HMGCLL1: variants seen among roughly 807,000 people sequenced by gnomAD.
The protein encoded by HMGCLL1 is 3-hydroxy-3-methylglutaryl-CoA lyase like 1, also known as 3-hydroxymethyl-3-methylglutaryl-CoA lyase, cytoplasmic.
HMGCLL1 carries 36 observed loss-of-function variants against 39.1 expected under a neutral mutation model. The observed-to-expected ratio is 0.92, with a 90% CI of 0.71 to 1.22. The LOEUF (loss-of-function observed/expected upper bound fraction) is 1.22. Among genes scored for constraint, HMGCLL1 ranks in the 50% most tolerant of loss-of-function variants. HMGCLL1 has a pLI of 0.00. For missense variants in HMGCLL1, 451 were observed against 416.5 expected (o/e 1.08, Z -0.72); for synonymous variants, 149 against 144.0 (o/e 1.03, Z -0.25).
intron 7 of HMGCLL1, among the ~76,000 whole-genome samples, chr6:55,489,077 GT>G (rs1766186950): frequency 6.6e-6 from 1 of 151,966 alleles, no homozygotes. Flanking sequence ...TCAATCCAAT[GT>G]TCCAAAGGAA....
At chr6:55,645,724 T>TC in the HMGCLL1 span, among the ~76,000 whole-genome samples, 1 of 152,000 alleles carries the variant, frequency 6.6e-6, no homozygotes, top group African/African-American at 2.4e-5. Context: ...TATTGAACCA[T>TC]CCTTGCATCC....
chr6:55,628,218 T>C, the HMGCLL1 span, among the ~76,000 whole-genome samples: 1 of 100,186 alleles, frequency 1.0e-5, no homozygotes, highest in Non-Finnish European at 1.9e-5. Flanking sequence ...ATCAGTTCTG[T>C]CCCTATAAGA....
the HMGCLL1 span, among the ~76,000 whole-genome samples, chr6:55,610,704 G>A: frequency 6.6e-6 from 1 of 151,852 alleles, no homozygotes; most frequent in Non-Finnish European, 1.5e-5. Flanking sequence ...GATACTCTAT[G>A]AGCAGATCAA....
chr6:55,566,078 A>G (rs1194814238), intron 1 of HMGCLL1, among the ~76,000 whole-genome samples: 3 of 152,090 alleles, frequency 2.0e-5, no homozygotes, highest in South Asian at 2.1e-4. Flanking sequence ...TTCAACATTA[A>G]CCTATGATCA....
In HMGCLL1 at chr6:55,578,842, T is replaced by A. The variant is rs1053691344; in HGVS notation, c.108+106A>T. 7.8e-6 allele frequency: 6 copies of A among 772,656 alleles called. No homozygotes were observed. The African/African-American group carries it at 1.0e-4, about 13-fold the overall frequency. 47.9% of individuals were successfully genotyped at this position (772,656 alleles called of 1,614,324 possible). A position where few individuals can be genotyped will look rare whatever the true frequency, so the allele number is the denominator to read the frequency against. Reference sequence around the variant, plus strand: ...AACTGCTGCGGGAAGGGTCCTGGGGTGAGGAGGTGACATAAAGGGAGGAGG... The same window carrying A: ...AACTGCTGCGGGAAGGGTCCTGGGGAGAGGAGGTGACATAAAGGGAGGAGG... On this transcript the variant is annotated intron_variant, in intron 1 of 8. Transcript: ENST00000274901.
In HMGCLL1 at chr6:55,514,037, T is replaced by G; in HGVS notation, c.542+11A>C. 1 of 1,607,210 alleles carries G rather than the reference T, an allele frequency of 6.2e-7. No homozygotes were observed. The highest frequency in any genetic ancestry group is 8.5e-7 in the Non-Finnish European group (1 of 1,177,972). ...ATTAACAAAACAGAATTTGTGGGATTTCATAAGTACCCTCGTGCTGGAATA... is the reference window on the plus strand; with the variant it reads ...ATTAACAAAACAGAATTTGTGGGATGTCATAAGTACCCTCGTGCTGGAATA... On this transcript the variant is annotated intron_variant, in intron 5 of 8. Transcript: ENST00000274901.
intron 5 of HMGCLL1, among the ~76,000 whole-genome samples, chr6:55,500,315 T>A (rs1166168978): frequency 6.6e-6 from 1 of 151,942 alleles, no homozygotes; most frequent in African/African-American, 2.4e-5. Flanking sequence ...CCCAGAAATA[T>A]AACTCTGTGG....
chr6:55,478,343 A>G (rs1765567177), intron 7 of HMGCLL1, among the ~76,000 whole-genome samples: 1 of 151,390 alleles, frequency 6.6e-6, no homozygotes. Flanking sequence ...TTTCGAACAG[A>G]ATTTGGTAAG....
intron 3 of HMGCLL1, among the ~76,000 whole-genome samples, chr6:55,539,857 A>G (rs1397611580): frequency 8.4e-6 from 1 of 118,478 alleles, no homozygotes; most frequent in African/African-American, 3.3e-5. Context: ...TGAAAGAAAG[A>G]GGAAGAAAGA....
chr6:55,574,505 A>G (rs1044240748), intron 1 of HMGCLL1, among the ~76,000 whole-genome samples: 2 of 130,462 alleles, frequency 1.5e-5, no homozygotes, highest in Non-Finnish European at 3.4e-5. Flanking sequence ...ATAGACAGCA[A>G]TTAAGGGTAT....
intron 6 of HMGCLL1, among the ~76,000 whole-genome samples, chr6:55,496,733 A>C (rs1301580692): frequency 6.6e-6 from 1 of 152,108 alleles, no homozygotes; most frequent in Non-Finnish European, 1.5e-5. Flanking sequence ...AGAAAGCTGA[A>C]TTGCTCAATA....
the HMGCLL1 span, among the ~76,000 whole-genome samples, chr6:55,659,640 G>A: frequency 6.6e-6 from 1 of 151,816 alleles, no homozygotes; most frequent in Non-Finnish European, 1.5e-5. Flanking sequence ...ATTTTTCACT[G>A]ACTGGCTTAA....
At chr6:55,601,668 C>G in the HMGCLL1 span, among the ~76,000 whole-genome samples, 1 of 151,856 alleles carries the variant, frequency 6.6e-6, no homozygotes, top group Admixed American at 6.6e-5. Context: ...ACTTTTTTTT[C>G]CTTGTAAGTC....
At chr6:55,593,058 A>G in the HMGCLL1 span, among the ~76,000 whole-genome samples, 1 of 152,084 alleles carries the variant, frequency 6.6e-6, no homozygotes, top group African/African-American at 2.4e-5. Context: ...GACTTCCTAC[A>G]AATTCAAAAC....
At chr6:55,512,720 A>C (rs1224303649) in intron 5 of HMGCLL1, 1 of 151,976 alleles carries the variant, frequency 6.6e-6, no homozygotes, top group Non-Finnish European at 1.5e-5. Context: ...GTCACAATTG[A>C]CTCACTTATC....
the HMGCLL1 span, among the ~76,000 whole-genome samples, chr6:55,596,182 C>T: frequency 6.6e-6 from 1 of 152,010 alleles, no homozygotes; most frequent in Non-Finnish European, 1.5e-5. Flanking sequence ...CAAAAATTAG[C>T]CGGATGTGGC....
At chr6:55,519,778 G>A (rs1315198535) in intron 3 of HMGCLL1, among the ~76,000 whole-genome samples, 2 of 151,984 alleles carry the variant, frequency 1.3e-5, no homozygotes, top group Non-Finnish European at 2.9e-5. Flanking sequence ...TAAAGATCAT[G>A]TTCCTAACCA....
rs146925336 is a variant in HMGCLL1, at chr6:55,557,833, G to A, written c.109-15693C>T. Among the ~76,000 whole-genome samples, 6 of 152,290 alleles carry A rather than the reference G, an allele frequency of 3.9e-5. No individual in the cohort carries two copies. In the East Asian group the frequency reaches 1.2e-3, roughly 29 times the overall value. Reference sequence around the variant, plus strand: ...AATTACGTTGCCCGTATAGAGTACAGCTGGTGCCCGTACTGTACTTAAAAG... The same window carrying A: ...AATTACGTTGCCCGTATAGAGTACAACTGGTGCCCGTACTGTACTTAAAAG... On this transcript the variant is annotated intron_variant, in intron 1 of 8. Coordinates refer to ENST00000274901, the MANE Select transcript of HMGCLL1 (RefSeq NM_001042406.2).
chr6:55,477,301 ATATT>A (rs1765436206), intron 7 of HMGCLL1, among the ~76,000 whole-genome samples: 1 of 13,768 alleles, frequency 7.3e-5, no homozygotes, highest in Non-Finnish European at 1.0e-4. Context: ...AAAATAATAT[ATATT>A]ATATATATAA....
Sources: allele counts gnomAD v4.1 joint callset (sites outside exome capture counted in the v4.1 genomes callset), GRCh38; gene constraint gnomAD v4.1.1; transcripts MANE v1.5; gene names NCBI Gene and HGNC (gene_info 2026-07-23, HGNC 2026-07-21).